TMEM117: variants seen among roughly 807,000 people sequenced by gnomAD.
The protein encoded by TMEM117 is transmembrane protein 117.
TMEM117 carries 27 observed loss-of-function variants against 52.4 expected under a neutral mutation model. The observed-to-expected ratio is 0.51, with a 90% confidence interval of 0.38 to 0.71. The LOEUF (loss-of-function observed/expected upper bound fraction) is 0.71. Among genes scored for constraint, TMEM117 ranks in the 30% least tolerant of loss-of-function variants. TMEM117 has a pLI of 0.00. For synonymous variants in TMEM117, 215 were observed against 206.3 expected, an observed-to-expected ratio of 1.04 and a Z score of -0.36; for missense variants, 556 against 630.5, an observed-to-expected ratio of 0.88 and a Z score of 1.26.
chr12:44,333,425 C>T (rs773691855), intron 6 of TMEM117, among the ~76,000 whole-genome samples: 3 of 151,984 alleles, frequency 2.0e-5, no homozygotes. Flanking sequence ...CAAATCTCAT[C>T]TTGAATTGTA....
At chr12:44,190,733 A>G (rs1410476198) in intron 4 of TMEM117, among the ~76,000 whole-genome samples, 1 of 151,872 alleles carries the variant, frequency 6.6e-6, no homozygotes, top group African/African-American at 2.4e-5. Context: ...CTGAACTGAC[A>G]TGAGGCTTTT....
At chr12:43,830,334 C>T in the TMEM117 span, among the ~76,000 whole-genome samples, 49 of 151,398 alleles carry the variant, frequency 3.2e-4, no homozygotes, top group African/African-American at 1.1e-3. Context: ...TAGAGCCAGG[C>T]GTGGTGGATC....
chr12:44,276,758 A>C (rs1160395442), intron 5 of TMEM117, among the ~76,000 whole-genome samples: 2 of 152,166 alleles, frequency 1.3e-5, no homozygotes, highest in Non-Finnish European at 2.9e-5. Context: ...AAAGATATAT[A>C]ATTTTTACTT....
At chr12:43,842,960 A>G (rs78339833) in intron 1 of TMEM117, among the ~76,000 whole-genome samples, 5,690 of 152,216 alleles carry the variant, frequency 0.037, 261 homozygotes, top group African/African-American at 0.1. Flanking sequence ...AGCCTCAGAG[A>G]TTCAGATCAG....
the TMEM117 span, among the ~76,000 whole-genome samples, chr12:44,398,200 G>T: frequency 2.6e-5 from 4 of 151,768 alleles, no homozygotes; most frequent in African/African-American, 7.3e-5. Flanking sequence ...AGGAGCAAGA[G>T]CCAGGGGCCC....
intron 5 of TMEM117, among the ~76,000 whole-genome samples, chr12:44,250,704 TG>T (rs1950186680): frequency 6.6e-6 from 1 of 152,178 alleles, no homozygotes; most frequent in Non-Finnish European, 1.5e-5. Context: ...TGGATGAAGC[TG>T]GAAGCCATCA....
At chr12:44,176,228 A>G (rs1057137908) in intron 4 of TMEM117, among the ~76,000 whole-genome samples, 2 of 152,172 alleles carry the variant, frequency 1.3e-5, no homozygotes, top group Non-Finnish European at 2.9e-5. Context: ...TATCATTTTT[A>G]GTAGAATTTA....
At position 44,322,084 on chromosome 12, in the gene TMEM117, CA is replaced by C. The variant is rs1951138181; in HGVS notation, c.768+22347del. On this transcript the variant is annotated intron_variant, in intron 6 of 7. Transcript: ENST00000266534. ...ATGGGAGAAAGAGAATGAAGTGTAA[CA>C]AGGGCGTAATTTCATTTGAATAAAA... Among the ~76,000 whole-genome samples the C allele has an allele frequency of 2.0e-5, 3 of 152,198 alleles. No homozygotes were observed. The South Asian group carries it at 6.2e-4, about 32-fold the overall frequency.
At chr12:44,316,783 T>C (rs950235358) in intron 6 of TMEM117, among the ~76,000 whole-genome samples, 15 of 152,206 alleles carry the variant, frequency 9.9e-5, no homozygotes, top group African/African-American at 3.4e-4. Flanking sequence ...TTAAAATTTT[T>C]TTTCTTTATT....
intron 7 of TMEM117, among the ~76,000 whole-genome samples, chr12:44,377,644 A>G (rs1592729136): frequency 6.6e-6 from 1 of 152,214 alleles, no homozygotes. Flanking sequence ...CAGATAAAGG[A>G]TGGCATTAGT....
chr12:44,084,964 T>G (rs1445777479), intron 3 of TMEM117, among the ~76,000 whole-genome samples: 1 of 152,184 alleles, frequency 6.6e-6, no homozygotes, highest in African/African-American at 2.4e-5. Flanking sequence ...AAGCAGAATT[T>G]CTGAAAACTA....
At chr12:43,965,627 C>T (rs146261717) in intron 3 of TMEM117, among the ~76,000 whole-genome samples, 6 of 152,276 alleles carry the variant, frequency 3.9e-5, no homozygotes, top group Non-Finnish European at 7.4e-5. Flanking sequence ...TGTATCTGTT[C>T]GAATTCTGCT....
At chr12:43,935,657 C>A (rs865871021) in intron 2 of TMEM117, among the ~76,000 whole-genome samples, 17 of 152,194 alleles carry the variant, frequency 1.1e-4, no homozygotes, top group African/African-American at 4.1e-4. Context: ...TGGTCTGGAT[C>A]TTAAAAGTCA....
At chr12:44,330,500 T>C (rs1002986976) in intron 6 of TMEM117, among the ~76,000 whole-genome samples, 2 of 152,094 alleles carry the variant, frequency 1.3e-5, no homozygotes, top group African/African-American at 2.4e-5. Context: ...TAAAATATTA[T>C]AATTCTACCT....
At chr12:44,230,039 A>G (rs1163999391) in intron 5 of TMEM117, among the ~76,000 whole-genome samples, 4 of 152,078 alleles carry the variant, frequency 2.6e-5, no homozygotes, top group African/African-American at 9.7e-5. Flanking sequence ...AAAGCAACCT[A>G]TTATCTTCAT....
Position 44,221,242 on chromosome 12 carries a change from A to C in TMEM117, c.608+9855A>C, listed in dbSNP as rs17094302. ...TATCTATTTGGGCCCAATTTTTAAA[A>C]TACTGTATCCTAGTTAGAATAGAAA... On this transcript the variant is annotated intron_variant, in intron 5 of 7. Transcript: ENST00000266534. 4.2e-3 allele frequency among the ~76,000 whole-genome samples: 646 copies of C among 152,296 alleles called. 9 individuals are homozygous for C. The highest frequency in any genetic ancestry group is 0.014 in the African/African-American group (569 of 41,572).
chr12:44,135,039 A>G (rs1409670815), intron 3 of TMEM117, among the ~76,000 whole-genome samples: 2 of 151,726 alleles, frequency 1.3e-5, no homozygotes, highest in Non-Finnish European at 2.9e-5. Context: ...ACTCTCTGCC[A>G]CTCTCACTCT....
intron 7 of TMEM117, among the ~76,000 whole-genome samples, chr12:44,380,329 G>T (rs1952002952): frequency 6.6e-6 from 1 of 152,126 alleles, no homozygotes; most frequent in Admixed American, 6.5e-5. Context: ...TGGAGCCAGG[G>T]ATGGGAAGGG....
chr12:43,850,920 G>A (rs1943297459), intron 2 of TMEM117, among the ~76,000 whole-genome samples: 1 of 152,154 alleles, frequency 6.6e-6, no homozygotes, highest in South Asian at 2.1e-4. Flanking sequence ...GGAGGAATGG[G>A]ATTGCTAATG....
Sources: gnomAD v4.1 joint callset for allele counts (sites outside exome capture counted in the v4.1 genomes callset) on GRCh38, gnomAD v4.1.1 for gene constraint, MANE v1.5 for transcripts, NCBI Gene and HGNC (gene_info 2026-07-23, HGNC 2026-07-21) for gene names.